CACNG3: variants seen among roughly 807,000 people sequenced by gnomAD.
CACNG3 encodes voltage-dependent calcium channel gamma-3 subunit.
In CACNG3, 3 loss-of-function variants were observed where a neutral mutation model predicts 28.5. That is an observed-to-expected ratio of 0.11 (90% CI 0.05 to 0.27). CACNG3 has a LOEUF of 0.27. CACNG3 is among the 10% of genes least tolerant of loss of function. The pLI, the probability that CACNG3 is intolerant of heterozygous loss-of-function variation, is 1.00. For missense variants in CACNG3, 236 were observed against 414.4 expected (o/e 0.57, Z 3.74); for synonymous variants, 174 against 162.2 (o/e 1.07, Z -0.55).
At chr16:24,300,655 G>A (rs573428491) in intron 1 of CACNG3, among the ~76,000 whole-genome samples, 1 of 151,706 alleles carries the variant, frequency 6.6e-6, no homozygotes, top group South Asian at 2.1e-4. Context: ...GAGCATGGTG[G>A]CTCATGCCCG....
chr16:24,325,551 C>T (rs1899529656), intron 1 of CACNG3, among the ~76,000 whole-genome samples: 2 of 152,236 alleles, frequency 1.3e-5, no homozygotes, highest in Admixed American at 6.5e-5. Flanking sequence ...CCAACCCCAG[C>T]GAGCTCTGCG....
rs560584023 is a variant in CACNG3 at position 24,345,194 on chromosome 16, C to T, written c.212-1540C>T. Among the ~76,000 whole-genome samples, 35 of 152,264 alleles carry T rather than the reference C, an allele frequency of 2.3e-4. No homozygotes were observed. In the East Asian group the frequency reaches 3.3e-3, roughly 14 times the overall value. On this transcript the variant is annotated intron_variant, in intron 1 of 3. Transcript: ENST00000005284. ...TACAATAACAGTTCTGAAATACCAACGCAGCTCTGTCTGATTCCGAACCTT... is the reference window on the plus strand; with the variant it reads ...TACAATAACAGTTCTGAAATACCAATGCAGCTCTGTCTGATTCCGAACCTT...
intron 1 of CACNG3, among the ~76,000 whole-genome samples, chr16:24,291,846 A>T (rs1898972594): frequency 6.6e-6 from 1 of 152,200 alleles, no homozygotes. Context: ...CGGGGCATAC[A>T]GGAAAGCCAA....
chr16:24,339,653 T>G (rs1899757532), intron 1 of CACNG3, among the ~76,000 whole-genome samples: 1 of 152,218 alleles, frequency 6.6e-6, no homozygotes, highest in Non-Finnish European at 1.5e-5. Flanking sequence ...CCCAAAGTGC[T>G]AGAATTACAG....
chr16:24,303,001 C>T (rs1899135144), intron 1 of CACNG3, among the ~76,000 whole-genome samples: 2 of 152,024 alleles, frequency 1.3e-5, no homozygotes, highest in African/African-American at 4.8e-5. Context: ...GCCGTGTTGC[C>T]CAGGCTGGTT....
chr16:24,310,347 T>G (rs897779502), intron 1 of CACNG3, among the ~76,000 whole-genome samples: 3 of 152,128 alleles, frequency 2.0e-5, no homozygotes, highest in Non-Finnish European at 4.4e-5. Flanking sequence ...GCGGATCACT[T>G]GAGGTCAGGA....
chr16:24,301,737 A>G (rs1180623485), intron 1 of CACNG3, among the ~76,000 whole-genome samples: 2 of 152,182 alleles, frequency 1.3e-5, no homozygotes, highest in Admixed American at 6.5e-5. Context: ...AATAAAAACC[A>G]TACTTCCTTC....
chr16:24,360,963 T>A (rs982065223), intron 3 of CACNG3, among the ~76,000 whole-genome samples: 1 of 152,214 alleles, frequency 6.6e-6, no homozygotes, highest in Admixed American at 6.5e-5. Flanking sequence ...TACATGTCAG[T>A]CTTTGCTACT....
At chr16:24,341,935 C>T (rs908051703) in intron 1 of CACNG3, among the ~76,000 whole-genome samples, 22 of 152,248 alleles carry the variant, frequency 1.4e-4, no homozygotes, top group Admixed American at 1.3e-3. Flanking sequence ...AGAGAAACTG[C>T]GAATCAGTTT....
At chr16:24,273,867 A>G (rs1213631754) in intron 1 of CACNG3, among the ~76,000 whole-genome samples, 1 of 152,142 alleles carries the variant, frequency 6.6e-6, no homozygotes, top group African/African-American at 2.4e-5. Flanking sequence ...ATCATTTAAG[A>G]GCAAAATTGG....
Position 24,314,198 on chromosome 16 carries a change from G to A in CACNG3, c.212-32536G>A, listed in dbSNP as rs547123942. The stretch of plus-strand genomic sequence containing the variant: ...GTTACTGGTGTGCTGAGCAGGACCA[G>A]TACATAATTTATGGGGTCCAGCACG... On this transcript the variant is annotated intron_variant, in intron 1 of 3. Coordinates refer to ENST00000005284, the MANE Select transcript of CACNG3 (RefSeq NM_006539.4). 5.3e-5 allele frequency among the ~76,000 whole-genome samples: 8 copies of A among 152,288 alleles called. No homozygotes were observed. The South Asian group carries it at 1.5e-3, about 28-fold the overall frequency.
chr16:24,322,535 T>C (rs1408363857), intron 1 of CACNG3, among the ~76,000 whole-genome samples: 1 of 152,112 alleles, frequency 6.6e-6, no homozygotes, highest in Non-Finnish European at 1.5e-5. Context: ...TCTTATGCAT[T>C]AGCTCTGTTT....
chr16:24,287,068 A>G (rs914807987), intron 1 of CACNG3, among the ~76,000 whole-genome samples: 2 of 152,210 alleles, frequency 1.3e-5, no homozygotes, highest in Admixed American at 1.3e-4. Flanking sequence ...GCTCCTGCAA[A>G]CAACTCAGAA....
intron 2 of CACNG3, among the ~76,000 whole-genome samples, chr16:24,347,380 A>C (rs561511342): frequency 6.6e-6 from 1 of 152,238 alleles, no homozygotes; most frequent in East Asian, 1.9e-4. Flanking sequence ...GAGAAAGAGA[A>C]GGGAGGAAGG....
At chr16:24,357,430 G>A (rs905787166) in intron 3 of CACNG3, among the ~76,000 whole-genome samples, 1 of 152,026 alleles carries the variant, frequency 6.6e-6, no homozygotes, top group African/African-American at 2.4e-5. Context: ...AACAGAGAAA[G>A]CACAATATTA....
At chr16:24,328,384 G>A (rs1217443914) in intron 1 of CACNG3, among the ~76,000 whole-genome samples, 2 of 149,704 alleles carry the variant, frequency 1.3e-5, no homozygotes, top group African/African-American at 4.9e-5. Context: ...GAGGGGCTGG[G>A]GCCACATCAC....
chr16:24,325,345 T>C (rs1430581741), intron 1 of CACNG3, among the ~76,000 whole-genome samples: 1 of 152,122 alleles, frequency 6.6e-6, no homozygotes, highest in Non-Finnish European at 1.5e-5. Flanking sequence ...ATCAGGTACA[T>C]GGGAACAAGG....
intron 1 of CACNG3, among the ~76,000 whole-genome samples, chr16:24,312,495 T>C (rs2141365117): frequency 6.6e-6 from 1 of 152,244 alleles, no homozygotes; most frequent in Non-Finnish European, 1.5e-5. Context: ...ATAGTTATCT[T>C]CTGGAGCTGT....
intron 1 of CACNG3, among the ~76,000 whole-genome samples, chr16:24,265,460 AG>A (rs1385223834): frequency 9.0e-5 from 13 of 145,104 alleles, no homozygotes; most frequent in African/African-American, 1.7e-4. Flanking sequence ...AGAAAGAAGA[AG>A]GAAGGAAGGA....
Sources: gnomAD v4.1 joint callset for allele counts (sites outside exome capture counted in the v4.1 genomes callset) on GRCh38, gnomAD v4.1.1 for gene constraint, MANE v1.5 for transcripts, NCBI Gene and HGNC (gene_info 2026-07-23, HGNC 2026-07-21) for gene names.